Variants in BAHCC1 observed in about 807,000 individuals in gnomAD.
The protein encoded by BAHCC1 is BAH domain and coiled-coil containing 1.
Under a neutral mutation model 88.2 loss-of-function variants are expected in BAHCC1, and 43 were observed. The observed-to-expected ratio is 0.49, with a 90% CI of 0.38 to 0.63. The LOEUF (loss-of-function observed/expected upper bound fraction) is 0.63, where lower values mean the gene tolerates loss of function less well. Among genes scored for constraint, BAHCC1 ranks in the 20% least tolerant of loss-of-function variants. The pLI, the probability that BAHCC1 is intolerant of heterozygous loss-of-function variation, is 0.00. For synonymous variants in BAHCC1, 1,510 were observed against 745.5 expected (o/e 2.03, Z -16.71); for missense variants, 3,023 against 1,654.8 (o/e 1.83, Z -14.34).
At chr17:81,427,049 G>C in intron 3 of BAHCC1, 70 bp downstream of exon 3, 1 of 398,460 alleles carries the variant, frequency 2.5e-6, no homozygotes, top group East Asian at 3.6e-5. Context: ...CCCGGGCCAG[G>C]GGCAGGTGAG....
chr17:81,455,166 GAGGGTGACCCAC>G, intron 14 of BAHCC1, 89 bp from the exon 15 acceptor site: 1 of 646,894 alleles, frequency 1.5e-6, no homozygotes, highest in Non-Finnish European at 2.8e-6. Context: ...GCCCTTGGAG[GAGGGTGACCCAC>G]AGTGTGACCC....
intron 15 of BAHCC1, 146 bp downstream of exon 15, chr17:81,455,536 A>G: frequency 3.3e-6 from 2 of 608,506 alleles, no homozygotes; most frequent in South Asian, 1.9e-5. Flanking sequence ...GAGCGCCGAC[A>G]GCAGGAGGAG....
chr17:81,436,373 T>TC (rs2064336087), intron 3 of BAHCC1, among the ~76,000 whole-genome samples: 1 of 151,996 alleles, frequency 6.6e-6, no homozygotes, highest in African/African-American at 2.4e-5. Flanking sequence ...GACTGCCTGC[T>TC]CCCCGCAGAG....
In BAHCC1 at chr17:81,442,514, G is replaced by T; in HGVS notation, c.1165G>T (p.Ala389Ser). The T allele has an allele frequency of 1.4e-6, 1 of 722,690 alleles. No individual in the cohort carries two copies. The highest frequency in any genetic ancestry group is 2.6e-6 in the Non-Finnish European group (1 of 389,754). 44.8% of individuals were successfully genotyped at this position (722,690 alleles called of 1,614,324 possible). The change falls in exon 5 of 28, where the codon GCC (alanine) becomes TCC (serine). Residue 389 changes from alanine to serine, a missense_variant. By Grantham distance (99) the Ala-to-Ser change is moderately conservative (BLOSUM62 1). Transcript: ENST00000675386. ...LQDKAPRDLK[A>S]SGPTFVPSVG... Reference sequence around the variant, plus strand: ...GGACAAAGCCCCCCGGGACCTAAAGGCCAGCGGGCCCACCTTCGTGCCTTC... The same window carrying T: ...GGACAAAGCCCCCCGGGACCTAAAGTCCAGCGGGCCCACCTTCGTGCCTTC...
At position 81,447,140 on chromosome 17, in the gene BAHCC1, G is replaced by A. The variant is rs373553406; in HGVS notation, c.3268G>A (p.Ala1090Thr). The A allele has an allele frequency of 2.3e-5, 18 of 778,492 alleles. No individual in the cohort carries two copies. Among genetic ancestry groups the A allele is most frequent in the South Asian group, 5.4e-5 (4 of 74,574 alleles). The allele number at this position is 778,492 out of a possible 1,614,324, so 48.2% of individuals were successfully genotyped here. Residue 1090 changes from alanine (A) to threonine (T), a missense_variant, in exon 11 of 28, where the codon GCC (alanine) becomes ACC (threonine). By Grantham distance (58) the Ala-to-Thr change is moderately conservative (BLOSUM62 0). Coordinates refer to ENST00000675386, the MANE Select transcript of BAHCC1 (RefSeq NM_001377448.1). The stretch of plus-strand genomic sequence containing the variant: ...GGACCCTGAAACTATGCAAACCACC[G>A]CCCCGGGGGCCCAGCCTGAGCCCAC... ...LEDPETMQTT[A>T]PGAQPEPTRT...
chr17:81,420,784 C>T (rs1470076178), intron 2 of BAHCC1, among the ~76,000 whole-genome samples: 1 of 152,158 alleles, frequency 6.6e-6, no homozygotes, highest in Non-Finnish European at 1.5e-5. Flanking sequence ...ACACCGCATC[C>T]CGCTTACTGT....
chr17:81,399,893 C>T lies in BAHCC1; in HGVS notation c.154C>T (p.Pro52Ser). ...HFQPGKYFPS[P>S]LPMASHTASS... is the part of the protein sequence containing the mutation. ...CCAGCCGGGAAAGTACTTCCCGTCGCCGTTGCCCATGGCTTCGCACACAGG... is the reference window on the plus strand; with the variant it reads ...CCAGCCGGGAAAGTACTTCCCGTCGTCGTTGCCCATGGCTTCGCACACAGG... The change falls in exon 2 of 28, where the codon CCG (proline) becomes TCG (serine). Residue 52 changes from proline (P) to serine (S), a missense_variant. Pro to Ser is a moderately conservative substitution (Grantham distance 74). Transcript: ENST00000675386. This position sits in a 1 kb window ranked among gnomAD's most constrained non-coding sequence, Gnocchi z 4.5. 5 of 1,449,520 alleles carry T rather than the reference C, an allele frequency of 3.4e-6. No individual in the cohort carries two copies. The highest frequency in any genetic ancestry group is 4.6e-6 in the Non-Finnish European group (5 of 1,098,600). 89.8% of individuals were successfully genotyped at this position (1,449,520 alleles called of 1,614,324 possible). A position where few individuals can be genotyped will look rare whatever the true frequency, so the allele number is the denominator to read the frequency against.
In BAHCC1 at chr17:81,461,135, T is replaced by C. The variant is rs782488573; in HGVS notation, c.6472T>C (p.Phe2158Leu). ...IFGNGFRADS[F>L]SSLASSYAPF... ...TGGCAACGGCTTCCGCGCCGACTCC[T>C]TCAGCAGCCTGGCCAGCTCCTACGC... Residue 2158 changes from phenylalanine to leucine, a missense_variant, in exon 26 of 28, where the codon TTC (phenylalanine) becomes CTC (leucine). By Grantham distance (22) the Phe-to-Leu change is conservative. Coordinates refer to ENST00000675386, the MANE Select transcript of BAHCC1 (RefSeq NM_001377448.1). The C allele has an allele frequency of 9.2e-6, 7 of 762,736 alleles. No individual in the cohort carries two copies. The South Asian group carries it at 9.5e-5, about 10-fold the overall frequency. The allele number at this position is 762,736 out of a possible 1,614,324, so 47.2% of individuals were successfully genotyped here.
chr17:81,435,367 G>A lies in BAHCC1; in HGVS notation c.359-3003G>A. 1 of 458,794 alleles carries A rather than the reference G, an allele frequency of 2.2e-6. No homozygotes were observed. The highest frequency in any genetic ancestry group is 4.4e-6 in the Non-Finnish European group (1 of 224,740). 28.4% of individuals were successfully genotyped at this position (458,794 alleles called of 1,614,324 possible). On this transcript the variant is annotated intron_variant, in intron 3 of 27. Coordinates refer to ENST00000675386, the MANE Select transcript of BAHCC1 (RefSeq NM_001377448.1). This position sits in a 1 kb window ranked among gnomAD's most constrained non-coding sequence, Gnocchi z 4.4. Reference sequence around the variant, plus strand: ...AGTTTGGAGTCTCCTGCCCACCGCAGTAGCAGGGGCAGGATGTGGGGACCT... The same window carrying A: ...AGTTTGGAGTCTCCTGCCCACCGCAATAGCAGGGGCAGGATGTGGGGACCT...
chr17:81,459,730 C>T (rs11652589), intron 23 of BAHCC1, 126 bp downstream of exon 23: 212,799 of 554,786 alleles, frequency 0.38, 37,256 homozygotes, highest in Non-Finnish European at 0.42. Context: ...AGACAGAGTA[C>T]GACAATAAAA....
At chr17:81,451,895 G>A (rs375364968) in intron 12 of BAHCC1, 25 bp downstream of exon 12, 185 of 693,836 alleles carry the variant, frequency 2.7e-4, no homozygotes, top group East Asian at 4.5e-4. Context: ...CAGTGCCCAC[G>A]TCGCCCAGTG....
chr17:81,437,000 G>A (rs2064346119), intron 3 of BAHCC1, among the ~76,000 whole-genome samples: 1 of 152,244 alleles, frequency 6.6e-6, no homozygotes, highest in African/African-American at 2.4e-5. Context: ...AAGCTCCACA[G>A]ATTTCCCTGG....
In BAHCC1 at chr17:81,463,905, C is replaced by T. The variant is rs1555660158; in HGVS notation, c.*88C>T. 1.5e-6 allele frequency: 1 copy of T among 682,516 alleles called. No homozygotes were observed. The highest frequency in any genetic ancestry group is 2.0e-5 in the Admixed American group (1 of 48,962). 42.3% of individuals were successfully genotyped at this position (682,516 alleles called of 1,614,324 possible). A position where few individuals can be genotyped will look rare whatever the true frequency, so the allele number is the denominator to read the frequency against. On this transcript the variant is annotated 3_prime_UTR_variant, in exon 28 of 28. Transcript: ENST00000675386. ...CCAAGCCACCGGGCAGGAGGCAGCCCCGGCCTCCCAAGGGCGCATCTGAGC... is the reference window on the plus strand; with the variant it reads ...CCAAGCCACCGGGCAGGAGGCAGCCTCGGCCTCCCAAGGGCGCATCTGAGC...
rs1393454913 is a variant in BAHCC1, at chr17:81,399,873, C to T, written c.134C>T (p.Pro45Leu). The T allele has an allele frequency of 6.2e-6, 9 of 1,451,028 alleles. No individual in the cohort carries two copies. The highest frequency in any genetic ancestry group is 1.5e-5 in the African/African-American group (1 of 67,492). The allele number at this position is 1,451,028 out of a possible 1,614,324, so 89.9% of individuals were successfully genotyped here. ...GCGCAGCCCCCCGCACACTTCCAGC[C>T]GGGAAAGTACTTCCCGTCGCCGTTG... ...PAAQPPAHFQ[P>L]GKYFPSPLPM... The change falls in exon 2 of 28, where the codon CCG becomes CTG. Residue 45 changes from proline to leucine, a missense_variant. Physicochemically the swap from Pro to Leu is moderately conservative, Grantham distance 98 (BLOSUM62 -3). Transcript: ENST00000675386. This position sits in a 1 kb window ranked among gnomAD's most constrained non-coding sequence, Gnocchi z 4.5.
chr17:81,455,178 C>T (rs563004555), intron 14 of BAHCC1, 89 bp from the exon 15 acceptor site: 2 of 660,546 alleles, frequency 3.0e-6, no homozygotes, highest in South Asian at 3.2e-5. Context: ...GGGTGACCCA[C>T]AGTGTGACCC....
intron 2 of BAHCC1, among the ~76,000 whole-genome samples, chr17:81,420,725 T>C (rs1357201954): frequency 6.6e-6 from 1 of 152,194 alleles, no homozygotes; most frequent in African/African-American, 2.4e-5. Flanking sequence ...GGCTGGGCAG[T>C]GGGGGCAGCC....
rs555552067 is a variant in BAHCC1, at chr17:81,408,962, G to T, written c.178+9045G>T. Among the ~76,000 whole-genome samples the T allele has an allele frequency of 1.3e-4, 20 of 152,344 alleles. 1 individual carries two copies. Among genetic ancestry groups the T allele is most frequent in the Admixed American group, 1.3e-3 (20 of 15,314 alleles). On this transcript the variant is annotated intron_variant, in intron 2 of 27. Transcript: ENST00000675386. ...GTGCCCATCCACGCTCAGGTGACGC[G>T]CACAGGCACGCGTGTGTGGGTGTGA...
intron 1 of BAHCC1, among the ~76,000 whole-genome samples, chr17:81,397,369 T>C (rs1400808992): frequency 7.0e-6 from 1 of 143,746 alleles, no homozygotes; most frequent in African/African-American, 2.5e-5. Context: ...TCGCGCTTTC[T>C]CAACTTTGAA....
chr17:81,429,828 G>T (rs1388299442), intron 3 of BAHCC1, among the ~76,000 whole-genome samples: 3 of 152,186 alleles, frequency 2.0e-5, no homozygotes, highest in Non-Finnish European at 4.4e-5. Context: ...CCAGGTTGGG[G>T]TAGCCCCAGG....
Sources: gnomAD v4.1 joint callset for allele counts (sites outside exome capture counted in the v4.1 genomes callset) on GRCh38, gnomAD v4.1.1 for gene constraint, Gnocchi (gnomAD v3.1) non-coding constraint, MANE v1.5 for transcripts, NCBI Gene and HGNC (gene_info 2026-07-23, HGNC 2026-07-21) for gene names.